The following ANKRD22 variants were observed in gnomAD, a reference collection of about 807,000 sequenced individuals.
The protein encoded by ANKRD22 is ankyrin repeat domain 22, also known as ankyrin repeat domain-containing protein 22.
A neutral mutation model predicts 25.7 loss-of-function variants in ANKRD22; 24 were observed. The ratio of observed to expected loss-of-function variants is 0.93; its 90% CI spans 0.68 to 1.31. The LOEUF (loss-of-function observed/expected upper bound fraction) is 1.31. Among genes scored for constraint, ANKRD22 ranks in the 50% most tolerant of loss-of-function variants. The probability of loss-of-function intolerance (pLI) is 0.00; values close to 1 mark genes in which losing one functional copy is unlikely to be tolerated. For synonymous variants in ANKRD22, 84 were observed against 84.3 expected, an observed-to-expected ratio of 1.00 and a Z score of 0.02; for missense variants, 214 against 227.1, an observed-to-expected ratio of 0.94 and a Z score of 0.37.
chr10:88,833,758 C>T (rs940222551), intron 1 of ANKRD22, among the ~76,000 whole-genome samples: 2 of 152,212 alleles, frequency 1.3e-5, no homozygotes, highest in African/African-American at 4.8e-5. Context: ...TAGAAATGCA[C>T]AATTTCACAA....
chr10:88,833,760 A>G (rs773983610), intron 1 of ANKRD22, among the ~76,000 whole-genome samples: 1 of 152,228 alleles, frequency 6.6e-6, no homozygotes, highest in Non-Finnish European at 1.5e-5. Context: ...GAAATGCACA[A>G]TTTCACAAAT....
intron 1 of ANKRD22, among the ~76,000 whole-genome samples, chr10:88,850,275 T>C (rs1844092123): frequency 6.6e-6 from 1 of 152,070 alleles, no homozygotes; most frequent in South Asian, 2.1e-4. Flanking sequence ...AGGCTTTTTT[T>C]TTTCCTTTTT....
At chr10:88,825,377 CT>C (rs1843846292) in intron 4 of ANKRD22, among the ~76,000 whole-genome samples, 1 of 152,162 alleles carries the variant, frequency 6.6e-6, no homozygotes, top group African/African-American at 2.4e-5. Context: ...AAAACAACAC[CT>C]TATGCTCATA....
chr10:88,822,987 C>A lies in ANKRD22; in HGVS notation c.530G>T (p.Arg177Ile), dbSNP rs7912706. Residue 177 changes from arginine to isoleucine, a missense_variant, in exon 6 of 6, where the codon AGA becomes ATA. Arg to Ile is a moderately conservative substitution (Grantham distance 97, BLOSUM62 -3). Coordinates refer to ENST00000371930, the MANE Select transcript of ANKRD22 (RefSeq NM_144590.3). ...HGESSLDIAR[R>I]LKFSQIELML... is the part of the protein sequence containing the mutation. ...TAATTCAATCTGGGAAAATTTTAAT[C>A]TCCGTGCAATATCCAGTGAGCTCTC... 9,179 of 1,609,512 alleles carry A rather than the reference C, an allele frequency of 5.7e-3. 466 individuals are homozygous for A. In the African/African-American group the frequency reaches 0.1, roughly 18 times the overall value.
chr10:88,843,406 A>G (rs1844020873), intron 1 of ANKRD22, among the ~76,000 whole-genome samples: 1 of 152,182 alleles, frequency 6.6e-6, no homozygotes, highest in African/African-American at 2.4e-5. Flanking sequence ...TCAAATCCTC[A>G]TCACGCCTAA....
At chr10:88,840,723 T>C (rs1250574656) in intron 1 of ANKRD22, among the ~76,000 whole-genome samples, 2 of 152,186 alleles carry the variant, frequency 1.3e-5, no homozygotes, top group Non-Finnish European at 2.9e-5. Flanking sequence ...AAGGAAGATG[T>C]TTTTCTTTCT....
At chr10:88,823,241 T>C (rs1433507879) in intron 5 of ANKRD22, 39 bp downstream of exon 5, 2 of 1,533,416 alleles carry the variant, frequency 1.3e-6, no homozygotes, top group Admixed American at 1.7e-5. Flanking sequence ...AAGATGCTGC[T>C]GCTAGAGGAA....
chr10:88,833,595 A>G (rs1002494820), intron 1 of ANKRD22, among the ~76,000 whole-genome samples: 8 of 152,234 alleles, frequency 5.3e-5, no homozygotes, highest in African/African-American at 1.7e-4. Context: ...ACATAGCCAA[A>G]TATCACAATA....
intron 1 of ANKRD22, among the ~76,000 whole-genome samples, chr10:88,834,730 T>C (rs1394240963): frequency 6.6e-6 from 1 of 151,772 alleles, no homozygotes; most frequent in Non-Finnish European, 1.5e-5. Context: ...AGGTCAGGAG[T>C]TCGAGATCAG....
rs889999025 is a variant in ANKRD22, at chr10:88,822,706, T to A, written c.*235A>T. 2.2e-6 allele frequency: 1 copy of A among 454,170 alleles called. No individual in the cohort carries two copies. Among genetic ancestry groups the A allele is most frequent in the Admixed American group, 3.8e-5 (1 of 26,154 alleles). 28.1% of individuals were successfully genotyped at this position (454,170 alleles called of 1,614,324 possible). A position where few individuals can be genotyped will look rare whatever the true frequency, so the allele number is the denominator to read the frequency against. ...CTGAAACATCAGTTTCTGACTGAAG[T>A]GGAGACTACAACAACTTTAGTGTTT... On this transcript the variant is annotated 3_prime_UTR_variant, in exon 6 of 6. Transcript: ENST00000371930.
At chr10:88,841,825 A>C (rs1024750666) in intron 1 of ANKRD22, among the ~76,000 whole-genome samples, 3 of 152,176 alleles carry the variant, frequency 2.0e-5, no homozygotes, top group Non-Finnish European at 2.9e-5. Flanking sequence ...TATAACTGCA[A>C]CCAATCAAAT....
Position 88,847,658 on chromosome 10 carries a change from CTT to C in ANKRD22, c.21+3927_21+3928del, listed in dbSNP as rs71022546. 2.6e-5 allele frequency among the ~76,000 whole-genome samples: 4 copies of C among 151,538 alleles called. No individual in the cohort carries two copies. In the South Asian group the frequency reaches 6.2e-4, roughly 24 times the overall value. On this transcript the variant is annotated intron_variant, in intron 1 of 5. Coordinates refer to ENST00000371930, the MANE Select transcript of ANKRD22 (RefSeq NM_144590.3). ...TGTTATAAGTATACATAAATGCTTCCTTTTTTTTTCTTATCACTGTTACCCAT... is the reference window on the plus strand; with the variant it reads ...TGTTATAAGTATACATAAATGCTTCCTTTTTTTCTTATCACTGTTACCCAT...
intron 1 of ANKRD22, 100 bp downstream of exon 1, chr10:88,851,487 G>T (rs2133085721): frequency 7.2e-7 from 1 of 1,393,134 alleles, no homozygotes; most frequent in Non-Finnish European, 1.0e-6. Context: ...GAGTTGAACA[G>T]ACAAAACAGA....
At chr10:88,840,217 C>T (rs1843991765) in intron 1 of ANKRD22, among the ~76,000 whole-genome samples, 1 of 152,058 alleles carries the variant, frequency 6.6e-6, no homozygotes, top group South Asian at 2.1e-4. Context: ...CTTACTTGCC[C>T]AGGCACTAAA....
Position 88,823,027 on chromosome 10 carries a change from G to A in ANKRD22, c.499-9C>T. The A allele has an allele frequency of 6.2e-7, 1 of 1,610,450 alleles. No homozygotes were observed. The highest frequency in any genetic ancestry group is 1.7e-5 in the Admixed American group (1 of 59,930). ...AGTGAGCTCTCACCATGCTGAGGGG[G>A]GAAAAATATACAGTTATTTCCAATA... On this transcript the variant is annotated splice_polypyrimidine_tract_variant and intron_variant, in intron 5 of 5. Coordinates refer to ENST00000371930, the MANE Select transcript of ANKRD22 (RefSeq NM_144590.3).
chr10:88,827,219 GAAAT>G (rs66591818), intron 3 of ANKRD22, among the ~76,000 whole-genome samples: 62,597 of 151,694 alleles, frequency 0.41, 14,067 homozygotes, highest in Middle Eastern at 0.5. Flanking sequence ...ACTTTTCTCT[GAAAT>G]AACCCAATGC....
chr10:88,823,628 C>A, intron 4 of ANKRD22: 4 of 381,488 alleles, frequency 1.0e-5, no homozygotes, highest in South Asian at 9.4e-5. Context: ...AGGATCGAGA[C>A]CGTCCTGGCT....
Position 88,820,593 on chromosome 10 carries a change from A to C in ANKRD22, c.*2348T>G, listed in dbSNP as rs1843781377. On this transcript the variant is annotated 3_prime_UTR_variant, in exon 6 of 6. Coordinates refer to ENST00000371930, the MANE Select transcript of ANKRD22 (RefSeq NM_144590.3). Reference sequence around the variant, plus strand: ...ATTACGGAGAGCAGAGACCTAGTATACATTTTTCAGATTCCCTGCACTTGG... The same window carrying C: ...ATTACGGAGAGCAGAGACCTAGTATCCATTTTTCAGATTCCCTGCACTTGG... The C allele has an allele frequency of 1.6e-6, 2 of 1,280,680 alleles. No individual in the cohort carries two copies. The highest frequency in any genetic ancestry group is 5.7e-5 in the Admixed American group (2 of 35,104). 79.3% of individuals were successfully genotyped at this position (1,280,680 alleles called of 1,614,324 possible).
chr10:88,840,671 G>A (rs1182356456), intron 1 of ANKRD22, among the ~76,000 whole-genome samples: 2 of 152,128 alleles, frequency 1.3e-5, no homozygotes, highest in African/African-American at 4.8e-5. Flanking sequence ...AATGATTCCG[G>A]TAAAGAGCCT....
Sources: gnomAD v4.1 joint callset for allele counts (sites outside exome capture counted in the v4.1 genomes callset) on GRCh38, gnomAD v4.1.1 for gene constraint, MANE v1.5 for transcripts, NCBI Gene and HGNC (gene_info 2026-07-23, HGNC 2026-07-21) for gene names.